The following DLX5 variants were observed in gnomAD, a reference collection of about 807,000 sequenced individuals.
DLX5 encodes the protein homeobox protein DLX-5.
A neutral mutation model predicts 27.1 loss-of-function variants in DLX5; 8 were observed. The observed-to-expected ratio is 0.30, with a 90% CI of 0.17 to 0.53. The LOEUF (loss-of-function observed/expected upper bound fraction) is 0.53, where lower values mean the gene tolerates loss of function less well. Ranked by LOEUF, DLX5 falls within the 20% of genes least tolerant of loss-of-function variation. DLX5 has a pLI of 0.95. For missense variants in DLX5, 339 were observed against 375.1 expected, an observed-to-expected ratio of 0.90 and a Z score of 0.80; for synonymous variants, 178 against 161.9, an observed-to-expected ratio of 1.10 and a Z score of -0.75.
rs1241475950 is a variant in DLX5, at chr7:97,024,270, T to C, written c.354A>G (p.Pro118=). ...YNRVPSATNQ[P]EKEVTEPEVR... The stretch of plus-strand genomic sequence containing the variant: ...CCAGCCTTCCCCCTGTCCATGTACC[T>C]GGCTGGTTGGTGGCGCTTGGGACGC... Residue 118 remains proline, a splice_region_variant and synonymous_variant, in exon 1 of 3, where the codon CCA becomes CCG. Coordinates refer to ENST00000648378, the MANE Select transcript of DLX5 (RefSeq NM_005221.6). This position sits in a 1 kb window ranked among gnomAD's most constrained non-coding sequence, Gnocchi z 4.6. 5 of 1,612,552 alleles carry C rather than the reference T, an allele frequency of 3.1e-6. No homozygotes were observed. Among genetic ancestry groups the C allele is most frequent in the Non-Finnish European group, 4.2e-6 (5 of 1,179,094 alleles).
chr7:97,020,595 T>A lies in DLX5; in HGVS notation c.*141A>T. On this transcript the variant is annotated 3_prime_UTR_variant, in exon 3 of 3. Transcript: ENST00000648378. ...AAAGGGGGGGTCTTTTGAAATGCAATAACTTACATGCAAAAAAAAGCTTTA... is the reference window on the plus strand; with the variant it reads ...AAAGGGGGGGTCTTTTGAAATGCAAAAACTTACATGCAAAAAAAAGCTTTA... 1 of 871,416 alleles carries A rather than the reference T, an allele frequency of 1.1e-6. No homozygotes were observed. Among genetic ancestry groups the A allele is most frequent in the Non-Finnish European group, 1.6e-6 (1 of 622,740 alleles). The allele number at this position is 871,416 out of a possible 1,614,324, so 54.0% of individuals were successfully genotyped here. A position where few individuals can be genotyped will look rare whatever the true frequency, so the allele number is the denominator to read the frequency against.
In DLX5 at chr7:97,024,821, G is replaced by A. The variant is rs1234424250; in HGVS notation, c.-198C>T. On this transcript the variant is annotated 5_prime_UTR_variant, in exon 1 of 3. Transcript: ENST00000648378. The surrounding 1 kb of genome is among the most constrained non-coding windows in gnomAD (Gnocchi z 4.6). ...AGTCGTGAAGTCTCTGTCTCCGGCC[G>A]GCTGACTGCTGGCTGAGGCGCAGCA... is the stretch of plus-strand genomic sequence containing the variant. 8 of 581,532 alleles carry A rather than the reference G, an allele frequency of 1.4e-5. No homozygotes were observed. The highest frequency in any genetic ancestry group is 3.7e-5 in the African/African-American group (2 of 53,764). The allele number at this position is 581,532 out of a possible 1,614,324, so 36.0% of individuals were successfully genotyped here. A position where few individuals can be genotyped will look rare whatever the true frequency, so the allele number is the denominator to read the frequency against.
chr7:97,022,669 C>T, intron 1 of DLX5: 1 of 921,960 alleles, frequency 1.1e-6, no homozygotes, highest in Non-Finnish European at 1.3e-6. Context: ...TGCTTCTTCT[C>T]CCGGACTTGT....
Position 97,024,745 on chromosome 7 carries a change from A to G in DLX5, c.-122T>C. 1.2e-6 allele frequency: 1 copy of G among 854,388 alleles called. No individual in the cohort carries two copies. The highest frequency in any genetic ancestry group is 1.8e-6 in the Non-Finnish European group (1 of 560,058). 52.9% of individuals were successfully genotyped at this position (854,388 alleles called of 1,614,324 possible). On this transcript the variant is annotated 5_prime_UTR_variant, in exon 1 of 3. Coordinates refer to ENST00000648378, the MANE Select transcript of DLX5 (RefSeq NM_005221.6). The surrounding 1 kb of genome is among the most constrained non-coding windows in gnomAD (Gnocchi z 4.6). ...GTGGGAGCGAGGGAGGAGGAGGAAGAGGAGGAGGAGAGAAGGAGGAGGCGG... is the reference window on the plus strand; with the variant it reads ...GTGGGAGCGAGGGAGGAGGAGGAAGGGGAGGAGGAGAGAAGGAGGAGGCGG...
At chr7:97,021,706 C>A (rs539535381) in intron 2 of DLX5, among the ~76,000 whole-genome samples, 1 of 152,280 alleles carries the variant, frequency 6.6e-6, no homozygotes, top group East Asian at 1.9e-4. Context: ...CTTCGGTGGC[C>A]GTGGCCTGAA....
chr7:97,020,701 A>G lies in DLX5; in HGVS notation c.*35T>C. On this transcript the variant is annotated 3_prime_UTR_variant, in exon 3 of 3. Coordinates refer to ENST00000648378, the MANE Select transcript of DLX5 (RefSeq NM_005221.6). The stretch of plus-strand genomic sequence containing the variant: ...ATTTTCTAGAACAGCAAAACACAGT[A>G]GTCCCAAAAAAGAGAGTAAGAGAGA... 1 of 1,500,042 alleles carries G rather than the reference A, an allele frequency of 6.7e-7. No homozygotes were observed. The highest frequency in any genetic ancestry group is 8.9e-7 in the Non-Finnish European group (1 of 1,119,412). The allele number at this position is 1,500,042 out of a possible 1,614,324, so 92.9% of individuals were successfully genotyped here.
intron 1 of DLX5, among the ~76,000 whole-genome samples, chr7:97,022,766 G>A (rs1790097787): frequency 6.6e-6 from 1 of 152,124 alleles, no homozygotes; most frequent in African/African-American, 2.4e-5. Context: ...CAAGGAGGTG[G>A]CCCTGGGCCG....
In DLX5 at chr7:97,024,456, G is replaced by A. The variant is rs1322581475; in HGVS notation, c.168C>T (p.His56=). 2 of 1,614,272 alleles carry A rather than the reference G, an allele frequency of 1.2e-6. No individual in the cohort carries two copies. The highest frequency in any genetic ancestry group is 1.7e-5 in the Admixed American group (1 of 60,038). ...DYYSPTGGAP[H]GYCSPTSASY... ...AAGCCGAGGTAGGAGAGCAGTAGCC[G>A]TGCGGGGCTCCCCCCGTAGGGCTGT... The change falls in exon 1 of 3, where the codon CAC becomes CAT. Residue 56 remains histidine (H), a synonymous_variant. Transcript: ENST00000648378. The surrounding 1 kb of genome is among the most constrained non-coding windows in gnomAD (Gnocchi z 4.6).
At chr7:97,022,115 A>G in intron 2 of DLX5, 70 bp downstream of exon 2, 6 of 1,585,748 alleles carry the variant, frequency 3.8e-6, no homozygotes, top group Non-Finnish European at 3.5e-6. Flanking sequence ...AGTCCCATCG[A>G]GACTGAACCG....
At position 97,020,568 on chromosome 7, in the gene DLX5, A is replaced by T; in HGVS notation, c.*168T>A. On this transcript the variant is annotated 3_prime_UTR_variant, in exon 3 of 3. Transcript: ENST00000648378. ...GTTGCGCAAAAAAAGTCCTCTGTAA[A>T]AAAAGGGGGGGTCTTTTGAAATGCA... 1.5e-6 allele frequency: 1 copy of T among 687,368 alleles called. No homozygotes were observed. Among genetic ancestry groups the T allele is most frequent in the Non-Finnish European group, 2.2e-6 (1 of 459,564 alleles). The allele number at this position is 687,368 out of a possible 1,614,324, so 42.6% of individuals were successfully genotyped here.
chr7:97,021,651 C>A (rs1790062539), intron 2 of DLX5, among the ~76,000 whole-genome samples: 1 of 152,142 alleles, frequency 6.6e-6, no homozygotes, highest in Non-Finnish European at 1.5e-5. Flanking sequence ...ATGGGACAAT[C>A]CAGGAAGACT....
At position 97,021,010 on chromosome 7, in the gene DLX5, C is replaced by T; in HGVS notation, c.596G>A (p.Gly199Glu). Reference protein sequence around the residue: ...RSKIKKIMKNGEMPPEHSPSS... With the variant: ...RSKIKKIMKNEEMPPEHSPSS... The stretch of plus-strand genomic sequence containing the variant: ...GGGACTGTGCTCCGGGGGCATCTCC[C>T]CGTTTTTCATGATCTTCTTGATCTT... The change falls in exon 3 of 3, where the codon GGG becomes GAG. Residue 199 changes from glycine to glutamate, a missense_variant. Physicochemically the swap from Gly to Glu is moderately conservative, Grantham distance 98. Transcript: ENST00000648378. 6.2e-7 allele frequency: 1 copy of T among 1,613,462 alleles called. No homozygotes were observed. Among genetic ancestry groups the T allele is most frequent in the Non-Finnish European group, 8.5e-7 (1 of 1,179,902 alleles).
chr7:97,021,824 C>A (rs996280830), intron 2 of DLX5, among the ~76,000 whole-genome samples: 4 of 152,168 alleles, frequency 2.6e-5, no homozygotes, highest in Admixed American at 2.0e-4. Context: ...TTGCTCACCC[C>A]CGAGGAGGCT....
At position 97,024,110 on chromosome 7, in the gene DLX5, C is replaced by G. The variant is rs79183163; in HGVS notation, c.355+159G>C. Among the ~76,000 whole-genome samples the G allele has an allele frequency of 6.6e-6, 1 of 152,140 alleles. No homozygotes were observed. Among genetic ancestry groups the G allele is most frequent in the Non-Finnish European group, 1.5e-5 (1 of 68,038 alleles). On this transcript the variant is annotated intron_variant, in intron 1 of 2. Coordinates refer to ENST00000648378, the MANE Select transcript of DLX5 (RefSeq NM_005221.6). The surrounding 1 kb of genome is among the most constrained non-coding windows in gnomAD (Gnocchi z 4.6). ...ACTAAAAATCCCTAAAATGCTGGCC[C>G]GAGAAACTCTCTTTGTTGGAGGGTC...
chr7:97,020,571 A>G lies in DLX5; in HGVS notation c.*165T>C. 1 of 691,420 alleles carries G rather than the reference A, an allele frequency of 1.4e-6. No homozygotes were observed. The highest frequency in any genetic ancestry group is 3.8e-5 in the South Asian group (1 of 26,406). 42.8% of individuals were successfully genotyped at this position (691,420 alleles called of 1,614,324 possible). On this transcript the variant is annotated 3_prime_UTR_variant, in exon 3 of 3. Coordinates refer to ENST00000648378, the MANE Select transcript of DLX5 (RefSeq NM_005221.6). ...GCGCAAAAAAAGTCCTCTGTAAAAA[A>G]AGGGGGGGTCTTTTGAAATGCAATA...
intron 1 of DLX5, among the ~76,000 whole-genome samples, chr7:97,023,217 A>G (rs1790112985): frequency 7.0e-6 from 1 of 142,216 alleles, no homozygotes; most frequent in South Asian, 2.5e-4. Context: ...TGTCATGAGT[A>G]TGGGTTTGGG....
chr7:97,024,568 G>C lies in DLX5; in HGVS notation c.56C>G (p.Ala19Gly), dbSNP rs751606335. 6.2e-7 allele frequency: 1 copy of C among 1,610,420 alleles called. No individual in the cohort carries two copies. Among genetic ancestry groups the C allele is most frequent in the South Asian group, 1.1e-5 (1 of 91,020 alleles). ...CATAGCTGCGGACGTCTGGAACGGA[G>C]CTTGGAAGTCGCCGGATCGGATGCT... The part of the protein sequence containing the change: ...VPSIRSGDFQ[A>G]PFQTSAAMHH... The change falls in exon 1 of 3, where the codon GCT becomes GGT. Residue 19 changes from alanine (A) to glycine (G), a missense_variant. This residue lies in a region of DLX5 where 188 missense variants were observed against 206.1 expected (regional missense o/e 0.91). Coordinates refer to ENST00000648378, the MANE Select transcript of DLX5 (RefSeq NM_005221.6). This position sits in a 1 kb window ranked among gnomAD's most constrained non-coding sequence, Gnocchi z 4.6.
Position 97,022,361 on chromosome 7 carries a change from C to G in DLX5, c.364G>C (p.Val122Leu), listed in dbSNP as rs201233212. 6.2e-7 allele frequency: 1 copy of G among 1,613,976 alleles called. No homozygotes were observed. Among genetic ancestry groups the G allele is most frequent in the East Asian group, 2.2e-5 (1 of 44,878 alleles). Residue 122 changes from valine to leucine, a missense_variant, in exon 2 of 3, where the codon GTG (valine) becomes CTG (leucine). This residue lies in a region of DLX5 where 188 missense variants were observed against 206.1 expected (regional missense o/e 0.91). Transcript: ENST00000648378. ...ACCATTCTCACCTCGGGCTCGGTCA[C>G]TTCTTTCTCTAAATAATCAAAACAG... ...PSATNQPEKEVTEPEVRMVNG... is the reference protein window; with the variant it reads ...PSATNQPEKELTEPEVRMVNG...
rs1403226160 is a variant in DLX5 at position 97,024,624 on chromosome 7, C to T, written c.-1G>A. 4 of 1,583,102 alleles carry T rather than the reference C, an allele frequency of 2.5e-6. No individual in the cohort carries two copies. The highest frequency in any genetic ancestry group is 2.3e-5 in the South Asian group (2 of 85,898). On this transcript the variant is annotated 5_prime_UTR_variant, in exon 1 of 3. Coordinates refer to ENST00000648378, the MANE Select transcript of DLX5 (RefSeq NM_005221.6). The surrounding 1 kb of genome is among the most constrained non-coding windows in gnomAD (Gnocchi z 4.6). ...CCCTTCTGTCAAACACTCCTGTCAT[C>T]GCTCACGGGCGGCGGCAGCGGCTGT...
Sources: allele counts gnomAD v4.1 joint callset (sites outside exome capture counted in the v4.1 genomes callset), GRCh38; gene constraint gnomAD v4.1.1; regional missense constraint gnomAD v4.1.1; non-coding constraint Gnocchi (gnomAD v3.1); transcripts MANE v1.5; gene names NCBI Gene and HGNC (gene_info 2026-07-23, HGNC 2026-07-21).